SUPT3H: variants seen among roughly 807,000 people sequenced by gnomAD.
SUPT3H encodes transcription initiation protein SPT3 homolog.
Under a neutral mutation model 44.3 loss-of-function variants are expected in SUPT3H, and 44 were observed. The ratio of observed to expected loss-of-function variants is 0.99; its 90% confidence interval spans 0.78 to 1.28. SUPT3H has a LOEUF of 1.28. Among genes scored for constraint, SUPT3H ranks in the 50% most tolerant of loss-of-function variants. SUPT3H has a pLI of 0.00. For missense variants in SUPT3H, 380 were observed against 387.1 expected, an observed-to-expected ratio of 0.98 and a Z score of 0.15; for synonymous variants, 124 against 125.6, an observed-to-expected ratio of 0.99 and a Z score of 0.09.
intron 2 of SUPT3H, among the ~76,000 whole-genome samples, chr6:45,339,771 TTTAA>T (rs143377535): frequency 4.9e-4 from 74 of 152,306 alleles, no homozygotes; most frequent in Admixed American, 9.2e-4. Flanking sequence ...AAAGTTTTAA[TTTAA>T]TTAGACAACA....
intron 6 of SUPT3H, among the ~76,000 whole-genome samples, chr6:44,982,663 G>A (rs376136677): frequency 9.3e-5 from 13 of 140,188 alleles, no homozygotes; most frequent in African/African-American, 3.0e-4. Context: ...TATCAACTTT[G>A]TATTAGTCTC....
intron 10 of SUPT3H, among the ~76,000 whole-genome samples, chr6:44,877,468 CAAAAA>C (rs5875897): frequency 8.2e-6 from 1 of 122,476 alleles, no homozygotes. Context: ...GACTCAGTCT[CAAAAA>C]AAAAAAAAAA....
chr6:45,193,841 A>ATC (rs1815546881), intron 2 of SUPT3H, among the ~76,000 whole-genome samples: 1 of 152,250 alleles, frequency 6.6e-6, no homozygotes, highest in Non-Finnish European at 1.5e-5. Flanking sequence ...CAGAATTCTT[A>ATC]GAGTGAGCCC....
intron 10 of SUPT3H, among the ~76,000 whole-genome samples, chr6:44,930,668 C>G (rs1447082261): frequency 6.6e-6 from 1 of 152,090 alleles, no homozygotes; most frequent in Non-Finnish European, 1.5e-5. Flanking sequence ...TGGTGGTCCC[C>G]TCCTGAGGAA....
intron 2 of SUPT3H, among the ~76,000 whole-genome samples, chr6:45,139,866 T>C (rs1268976890): frequency 1.3e-5 from 2 of 152,078 alleles, no homozygotes; most frequent in Non-Finnish European, 2.9e-5. Flanking sequence ...AAATTTGTAA[T>C]AATTTTGACT....
chr6:45,029,683 T>G (rs1786616873), intron 3 of SUPT3H, among the ~76,000 whole-genome samples: 1 of 152,196 alleles, frequency 6.6e-6, no homozygotes, highest in Non-Finnish European at 1.5e-5. Context: ...TTTTAGAAAT[T>G]TTTAAAAGTT....
intron 2 of SUPT3H, among the ~76,000 whole-genome samples, chr6:45,221,619 T>G (rs995403540): frequency 2.6e-5 from 4 of 152,106 alleles, no homozygotes; most frequent in Non-Finnish European, 4.4e-5. Context: ...GTTCATAGAT[T>G]AGAAGACTCA....
intron 2 of SUPT3H, among the ~76,000 whole-genome samples, chr6:45,302,673 T>C (rs186634700): frequency 6.6e-6 from 1 of 151,750 alleles, no homozygotes; most frequent in Admixed American, 6.6e-5. Flanking sequence ...CTTTTCTGTA[T>C]AGCAACTTCT....
intron 2 of SUPT3H, chr6:45,322,915 AT>A: frequency 6.2e-7 from 1 of 1,613,074 alleles, no homozygotes; most frequent in Middle Eastern, 1.7e-4. Context: ...AAAGACCACC[AT>A]GAGTCCATGG....
rs965352558 is a variant in SUPT3H, at chr6:44,829,019, G to C, written c.*797C>G. The C allele has an allele frequency of 6.5e-6, 1 of 152,698 alleles. No homozygotes were observed. Among genetic ancestry groups the C allele is most frequent in the African/African-American group, 2.4e-5 (1 of 41,566 alleles). 9.5% of individuals were successfully genotyped at this position (152,698 alleles called of 1,614,324 possible). ...AGCCCACATTTCCAGTCTAGGTGTG[G>C]TAGTGCTTTGAAGGGAGGAAGCAAG... On this transcript the variant is annotated 3_prime_UTR_variant, in exon 11 of 11. Coordinates refer to ENST00000371459, the MANE Select transcript of SUPT3H (RefSeq NM_003599.4).
chr6:45,019,026 T>C (rs1784723589), intron 4 of SUPT3H, among the ~76,000 whole-genome samples: 3 of 152,232 alleles, frequency 2.0e-5, no homozygotes, highest in African/African-American at 4.8e-5. Flanking sequence ...AATTTCAGAT[T>C]CTGTTGTTGG....
At chr6:45,063,165 G>A (rs1289884100) in intron 3 of SUPT3H, among the ~76,000 whole-genome samples, 19 of 145,760 alleles carry the variant, frequency 1.3e-4, no homozygotes, top group Admixed American at 1.2e-3. Context: ...TGACCCCCGA[G>A]CAGCCTAACT....
chr6:44,954,469 C>T (rs1419162797), intron 8 of SUPT3H, 26 bp downstream of exon 8: 1 of 1,538,950 alleles, frequency 6.5e-7, no homozygotes, highest in Non-Finnish European at 9.0e-7. Context: ...CCAGTGTGGC[C>T]CGATATGACA....
At chr6:45,014,300 A>T (rs1036381784) in intron 5 of SUPT3H, among the ~76,000 whole-genome samples, 1 of 152,100 alleles carries the variant, frequency 6.6e-6, no homozygotes, top group Non-Finnish European at 1.5e-5. Context: ...TTACCATCCC[A>T]AACTTCATGG....
chr6:45,139,813 G>A (rs768032109), intron 2 of SUPT3H, among the ~76,000 whole-genome samples: 4 of 152,162 alleles, frequency 2.6e-5, no homozygotes, highest in African/African-American at 4.8e-5. Context: ...AGCAGACAGC[G>A]TACTTAGGGA....
intron 2 of SUPT3H, among the ~76,000 whole-genome samples, chr6:45,348,432 C>T (rs904339448): frequency 6.6e-6 from 1 of 150,538 alleles, no homozygotes; most frequent in African/African-American, 2.5e-5. Context: ...TTTGGGAGGC[C>T]GAGGTAGAAG....
At chr6:45,184,775 G>GGA (rs1355363647) in intron 2 of SUPT3H, among the ~76,000 whole-genome samples, 3 of 128,578 alleles carry the variant, frequency 2.3e-5, no homozygotes, top group African/African-American at 9.0e-5. Context: ...ACAGGCAGAG[G>GGA]AAAAAAAAAA....
intron 2 of SUPT3H, among the ~76,000 whole-genome samples, chr6:45,174,933 C>T (rs1811444752): frequency 1.4e-5 from 2 of 145,004 alleles, no homozygotes; most frequent in South Asian, 4.3e-4. Flanking sequence ...GTCCCAGCTA[C>T]TCGGGAGGTC....
At chr6:45,094,580 CA>C (rs1797556064) in intron 3 of SUPT3H, among the ~76,000 whole-genome samples, 1 of 152,078 alleles carries the variant, frequency 6.6e-6, no homozygotes, top group Non-Finnish European at 1.5e-5. Context: ...ATGCCTTTAG[CA>C]AACTATCCAT....
Sources: allele counts gnomAD v4.1 joint callset (sites outside exome capture counted in the v4.1 genomes callset), GRCh38; gene constraint gnomAD v4.1.1; transcripts MANE v1.5; gene names NCBI Gene and HGNC (gene_info 2026-07-23, HGNC 2026-07-21).